Variants in POU6F2 observed in about 807,000 individuals in gnomAD.
POU6F2 encodes the protein POU class 6 homeobox 2, also known as POU domain, class 6, transcription factor 2.
A neutral mutation model predicts 71.3 loss-of-function variants in POU6F2; 31 were observed. That is an observed-to-expected ratio of 0.43 (90% CI 0.33 to 0.59). The LOEUF is 0.59. POU6F2 is among the 20% of genes least tolerant of loss of function. The probability of loss-of-function intolerance (pLI) is 0.04; values close to 1 mark genes in which losing one functional copy is unlikely to be tolerated. For synonymous variants in POU6F2, 347 were observed against 355.7 expected (o/e 0.98, Z 0.27); for missense variants, 783 against 856.8 (o/e 0.91, Z 1.07).
Position 39,288,237 on chromosome 7 carries a change from C to G in POU6F2, c.599-51405C>G, listed in dbSNP as rs571535559. On this transcript the variant is annotated intron_variant, in intron 4 of 9. Transcript: ENST00000518318. ...ACTATTTATCCTCAGAGGCAATAAGCTGCAGTGTCAAGACCACCATCTTTG... is the reference window on the plus strand; with the variant it reads ...ACTATTTATCCTCAGAGGCAATAAGGTGCAGTGTCAAGACCACCATCTTTG... Among the ~76,000 whole-genome samples the G allele has an allele frequency of 3.3e-5, 5 of 152,240 alleles. No homozygotes were observed. The East Asian group carries it at 9.7e-4, about 29-fold the overall frequency.
intron 4 of POU6F2, among the ~76,000 whole-genome samples, chr7:39,231,204 G>A (rs2128750021): frequency 6.6e-6 from 1 of 152,334 alleles, no homozygotes; most frequent in South Asian, 2.1e-4. Context: ...TTTACAATCT[G>A]AAAGTGTAAG....
At chr7:39,033,829 C>T (rs1475672193) in intron 1 of POU6F2, among the ~76,000 whole-genome samples, 3 of 152,054 alleles carry the variant, frequency 2.0e-5, no homozygotes, top group African/African-American at 7.2e-5. Context: ...CTTATTTTTC[C>T]GCGCTAGTGG....
At chr7:39,352,868 A>C (rs1005936394) in intron 5 of POU6F2, among the ~76,000 whole-genome samples, 21 of 152,232 alleles carry the variant, frequency 1.4e-4, no homozygotes, top group African/African-American at 4.8e-4. Context: ...CATAGTGCCC[A>C]AAAAAAGGAA....
intron 5 of POU6F2, among the ~76,000 whole-genome samples, chr7:39,352,770 T>C (rs914533414): frequency 2.6e-5 from 4 of 152,170 alleles, no homozygotes; most frequent in Non-Finnish European, 5.9e-5. Context: ...ATTTTATATT[T>C]GGGGGTACAT....
intron 4 of POU6F2, among the ~76,000 whole-genome samples, chr7:39,263,250 T>C (rs1784172422): frequency 6.6e-6 from 1 of 152,236 alleles, no homozygotes; most frequent in South Asian, 2.1e-4. Flanking sequence ...AAATAAAATA[T>C]GTGTTTTGAA....
intron 4 of POU6F2, among the ~76,000 whole-genome samples, chr7:39,217,259 A>G (rs1794262915): frequency 6.7e-6 from 1 of 148,810 alleles, no homozygotes; most frequent in African/African-American, 2.4e-5. Context: ...ATGTATGAAC[A>G]GTATTTAATA....
At chr7:39,429,404 C>T (rs1788044168) in intron 6 of POU6F2, among the ~76,000 whole-genome samples, 1 of 152,146 alleles carries the variant, frequency 6.6e-6, no homozygotes, top group African/African-American at 2.4e-5. Context: ...ACAGTCACCA[C>T]GTGGGTATAG....
At chr7:39,308,238 C>T (rs1464819285) in intron 4 of POU6F2, among the ~76,000 whole-genome samples, 1 of 152,222 alleles carries the variant, frequency 6.6e-6, no homozygotes, top group African/African-American at 2.4e-5. Flanking sequence ...TCAAGTTCCT[C>T]ACAAATGCCC....
chr7:39,335,857 C>T (rs1176642092), intron 4 of POU6F2, among the ~76,000 whole-genome samples: 1 of 152,154 alleles, frequency 6.6e-6, no homozygotes, highest in Non-Finnish European at 1.5e-5. Context: ...GAAAATGAGT[C>T]CACAGTTCCC....
chr7:39,297,712 C>A (rs1784877581), intron 4 of POU6F2, among the ~76,000 whole-genome samples: 2 of 149,526 alleles, frequency 1.3e-5, no homozygotes, highest in Non-Finnish European at 2.9e-5. Flanking sequence ...ATTAAACTAT[C>A]CTCAACAAAG....
chr7:39,060,172 C>T (rs2128715862), intron 1 of POU6F2, among the ~76,000 whole-genome samples: 1 of 152,012 alleles, frequency 6.6e-6, no homozygotes, highest in Non-Finnish European at 1.5e-5. Context: ...TGTGCCACTG[C>T]ACTCTCGCCT....
At chr7:39,099,527 G>T (rs1791526295) in intron 2 of POU6F2, among the ~76,000 whole-genome samples, 1 of 152,124 alleles carries the variant, frequency 6.6e-6, no homozygotes, top group Non-Finnish European at 1.5e-5. Flanking sequence ...ACCTAATCAG[G>T]GTAAACTACA....
chr7:38,993,611 AACACACACACAC>A (rs10553247), intron 1 of POU6F2, among the ~76,000 whole-genome samples: 25 of 130,604 alleles, frequency 1.9e-4, no homozygotes, highest in African/African-American at 4.8e-4. Flanking sequence ...CAGGATTTTA[AACACACACACAC>A]ACACACACAC....
intron 5 of POU6F2, among the ~76,000 whole-genome samples, chr7:39,379,254 C>G (rs886128879): frequency 1.3e-5 from 2 of 152,156 alleles, no homozygotes; most frequent in Non-Finnish European, 2.9e-5. Context: ...CAAGTTGGAG[C>G]TAGAACCACA....
At chr7:39,201,446 A>C (rs1793900430) in intron 2 of POU6F2, among the ~76,000 whole-genome samples, 1 of 152,250 alleles carries the variant, frequency 6.6e-6, no homozygotes, top group Non-Finnish European at 1.5e-5. Context: ...TACCTATCTT[A>C]AAGGAATTAT....
chr7:38,988,115 A>G (rs1234127404), intron 1 of POU6F2, among the ~76,000 whole-genome samples: 1 of 152,130 alleles, frequency 6.6e-6, no homozygotes, highest in African/African-American at 2.4e-5. Context: ...CCCATTTTAT[A>G]GAAGTGGAAG....
intron 6 of POU6F2, among the ~76,000 whole-genome samples, chr7:39,419,059 A>G (rs931785310): frequency 1.4e-5 from 2 of 145,474 alleles, no homozygotes; most frequent in African/African-American, 5.1e-5. Flanking sequence ...ATACACATAT[A>G]TACACATATA....
rs150386704 is a variant in POU6F2, at chr7:39,406,704, G to A, written c.1077G>A (p.Gly359=). 1.1e-4 allele frequency: 176 copies of A among 1,613,756 alleles called. 1 individual carries two copies. Among genetic ancestry groups the A allele is most frequent in the Admixed American group, 4.7e-4 (28 of 60,022 alleles). Reference sequence around the variant, plus strand: ...GCAATGCCCTCTCCAGTCTTCAGGGGGTCACAGGTCAACTAGTTACTAATG... The same window carrying A: ...GCAATGCCCTCTCCAGTCTTCAGGGAGTCACAGGTCAACTAGTTACTAATG... ...AFGNALSSLQ[G]VTGQLVTNAQ... The change falls in exon 6 of 10, where the codon GGG becomes GGA. Residue 359 remains glycine (G), a synonymous_variant. Coordinates refer to ENST00000518318, the MANE Select transcript of POU6F2 (RefSeq NM_001370959.1).
At chr7:39,220,709 G>GA (rs1562752079) in intron 4 of POU6F2, among the ~76,000 whole-genome samples, 1 of 151,916 alleles carries the variant, frequency 6.6e-6, no homozygotes, top group Non-Finnish European at 1.5e-5. Context: ...AAGGCACTCT[G>GA]ATTTCTGAGA....
Sources: allele counts gnomAD v4.1 joint callset (sites outside exome capture counted in the v4.1 genomes callset), GRCh38; gene constraint gnomAD v4.1.1; transcripts MANE v1.5; gene names NCBI Gene and HGNC (gene_info 2026-07-23, HGNC 2026-07-21).